Variants in NEGR1 observed in about 807,000 individuals in gnomAD.
NEGR1 encodes IgLON family member 4.
In NEGR1, 10 loss-of-function variants were observed where a neutral mutation model predicts 40.9. The ratio of observed to expected loss-of-function variants is 0.24; its 90% CI spans 0.15 to 0.42. NEGR1 has a LOEUF of 0.42. Ranked by LOEUF, NEGR1 falls within the 10% of genes least tolerant of loss-of-function variation. NEGR1 has a pLI of 1.00. For missense variants in NEGR1, 352 were observed against 438.9 expected, an observed-to-expected ratio of 0.80 and a Z score of 1.77; for synonymous variants, 185 against 166.8, an observed-to-expected ratio of 1.11 and a Z score of -0.84.
intron 3 of NEGR1, among the ~76,000 whole-genome samples, chr1:71,731,741 C>A (rs895223004): frequency 6.6e-6 from 1 of 152,128 alleles, no homozygotes; most frequent in Non-Finnish European, 1.5e-5. Context: ...ATATTGTTTT[C>A]ATATACAGCA....
At chr1:71,700,241 T>C (rs896956586) in intron 3 of NEGR1, among the ~76,000 whole-genome samples, 7 of 151,982 alleles carry the variant, frequency 4.6e-5, no homozygotes, top group African/African-American at 1.4e-4. Flanking sequence ...GTAAATTCCA[T>C]TACATAGAAT....
At chr1:71,696,776 A>G (rs1313740435) in intron 4 of NEGR1, among the ~76,000 whole-genome samples, 1 of 151,746 alleles carries the variant, frequency 6.6e-6, no homozygotes, top group African/African-American at 2.4e-5. Context: ...CCCAACCCCA[A>G]GGATTCTGAT....
intron 1 of NEGR1, among the ~76,000 whole-genome samples, chr1:72,054,607 T>C (rs1647093873): frequency 6.6e-6 from 1 of 151,278 alleles, no homozygotes. Context: ...ACTTATTTTG[T>C]AAAATCAGTC....
intron 1 of NEGR1, among the ~76,000 whole-genome samples, chr1:72,200,576 C>A (rs1653169045): frequency 6.6e-6 from 1 of 151,886 alleles, no homozygotes; most frequent in South Asian, 2.1e-4. Context: ...ATCATTAATA[C>A]ACCAAGCCTC....
chr1:71,616,028 T>A (rs1420392465), intron 4 of NEGR1, among the ~76,000 whole-genome samples: 3 of 152,204 alleles, frequency 2.0e-5, no homozygotes, highest in African/African-American at 7.2e-5. Flanking sequence ...GTTTACACCA[T>A]TCTGAACCCT....
intron 2 of NEGR1, among the ~76,000 whole-genome samples, chr1:71,786,873 G>A (rs569219239): frequency 1.3e-5 from 2 of 152,224 alleles, no homozygotes; most frequent in East Asian, 1.9e-4. Flanking sequence ...ACAAAACAAA[G>A]CAAAAAATAT....
chr1:71,511,963 T>C (rs1647075911), intron 6 of NEGR1, among the ~76,000 whole-genome samples: 1 of 152,222 alleles, frequency 6.6e-6, no homozygotes, highest in Non-Finnish European at 1.5e-5. Context: ...AGTAGAATTA[T>C]ATTCTGAAAA....
chr1:71,765,359 A>G (rs1419805431), intron 3 of NEGR1, among the ~76,000 whole-genome samples: 1 of 152,170 alleles, frequency 6.6e-6, no homozygotes, highest in Admixed American at 6.5e-5. Context: ...CACTTCCACA[A>G]CAAGCAGGAT....
chr1:71,700,039 C>T (rs372767845), intron 3 of NEGR1, among the ~76,000 whole-genome samples: 5 of 151,794 alleles, frequency 3.3e-5, no homozygotes, highest in South Asian at 2.1e-4. Flanking sequence ...AGTGCGAAAG[C>T]GAACTAATAC....
At position 72,078,962 on chromosome 1, in the gene NEGR1, C is replaced by T. The variant is rs1400725817; in HGVS notation, c.177-143651G>A. 4.6e-5 allele frequency among the ~76,000 whole-genome samples: 7 copies of T among 151,256 alleles called. No individual in the cohort carries two copies. The East Asian group carries it at 1.2e-3, about 25-fold the overall frequency. On this transcript the variant is annotated intron_variant, in intron 1 of 6. Transcript: ENST00000357731. The stretch of plus-strand genomic sequence containing the variant: ...GCCTATTTATTGATATTTTAACTAT[C>T]TCCATTTCAACATATAAATCCTATT...
chr1:71,448,602 G>GA (rs150313511), intron 6 of NEGR1, among the ~76,000 whole-genome samples: 1,517 of 148,614 alleles, frequency 0.01, 12 homozygotes, highest in South Asian at 0.019. Flanking sequence ...CCATCTCAAA[G>GA]AAAAAAAAAA....
At position 71,675,126 on chromosome 1, in the gene NEGR1, T is replaced by C. The variant is rs116785015; in HGVS notation, c.667+22882A>G. Among the ~76,000 whole-genome samples the C allele has an allele frequency of 5.4e-4, 42 of 77,830 alleles. 5 individuals are homozygous for C. In the East Asian group the frequency reaches 0.011, roughly 20 times the overall value. 51.1% of individuals were successfully genotyped at this position (77,830 alleles called of 152,430 possible). Reference sequence around the variant, plus strand: ...GCATGTTTATTCATATATATATATATACACACACACATATGAATTCTTAGA... The same window carrying C: ...GCATGTTTATTCATATATATATATACACACACACACATATGAATTCTTAGA... On this transcript the variant is annotated intron_variant, in intron 4 of 6. Transcript: ENST00000357731.
At chr1:71,909,573 CA>C (rs1194180293) in intron 2 of NEGR1, among the ~76,000 whole-genome samples, 3 of 152,104 alleles carry the variant, frequency 2.0e-5, no homozygotes, top group Admixed American at 6.5e-5. Flanking sequence ...ATTTTATAAC[CA>C]AAACTGACAT....
intron 3 of NEGR1, among the ~76,000 whole-genome samples, chr1:71,773,253 T>C (rs1348590182): frequency 6.6e-6 from 1 of 152,210 alleles, no homozygotes; most frequent in East Asian, 1.9e-4. Context: ...ACCATGGGCA[T>C]TGCTAAAAAC....
Position 71,615,301 on chromosome 1 carries a change from T to C in NEGR1, c.668-4155A>G, listed in dbSNP as rs1011974399. Among the ~76,000 whole-genome samples the C allele has an allele frequency of 2.0e-5, 3 of 150,818 alleles. No homozygotes were observed. The East Asian group carries it at 5.8e-4, about 29-fold the overall frequency. ...GATCACATTAATGAAAAAAAAAATA[T>C]TCCTGGCCTCATAGAGCTGATATGA... On this transcript the variant is annotated intron_variant, in intron 4 of 6. Coordinates refer to ENST00000357731, the MANE Select transcript of NEGR1 (RefSeq NM_173808.3).
chr1:71,845,142 C>A, intron 2 of NEGR1, among the ~76,000 whole-genome samples: 1 of 152,080 alleles, frequency 6.6e-6, no homozygotes, highest in East Asian at 1.9e-4. Flanking sequence ...AGTATGCAGT[C>A]ACAAGGAAAC....
chr1:71,882,228 C>T (rs1398926893), intron 2 of NEGR1, among the ~76,000 whole-genome samples: 1 of 152,054 alleles, frequency 6.6e-6, no homozygotes, highest in Non-Finnish European at 1.5e-5. Context: ...TACATTTGCT[C>T]CATTCCATTT....
intron 1 of NEGR1, among the ~76,000 whole-genome samples, chr1:72,227,525 G>A (rs1310971845): frequency 6.6e-6 from 1 of 152,014 alleles, no homozygotes; most frequent in Non-Finnish European, 1.5e-5. Context: ...CGGTGAGGAG[G>A]AACAGGGCTG....
intron 3 of NEGR1, among the ~76,000 whole-genome samples, chr1:71,773,587 T>C (rs1228131102): frequency 6.6e-6 from 1 of 152,156 alleles, no homozygotes; most frequent in East Asian, 1.9e-4. Flanking sequence ...ACTCCAGCGT[T>C]GTGGGGTTTT....
Sources: gnomAD v4.1 joint callset for allele counts (sites outside exome capture counted in the v4.1 genomes callset) on GRCh38, gnomAD v4.1.1 for gene constraint, MANE v1.5 for transcripts, NCBI Gene and HGNC (gene_info 2026-07-23, HGNC 2026-07-21) for gene names.